The following LVRN variants were observed in gnomAD, a reference collection of about 807,000 sequenced individuals.
LVRN encodes the protein aminopeptidase Q.
A neutral mutation model predicts 111.4 loss-of-function variants in LVRN; 99 were observed. The ratio of observed to expected loss-of-function variants is 0.89; its 90% CI spans 0.76 to 1.05. The LOEUF is 1.05. LVRN is among the 50% of genes least tolerant of loss of function. The pLI is 0.00. For missense variants in LVRN, 1,414 were observed against 1,206.8 expected, an observed-to-expected ratio of 1.17 and a Z score of -2.54; for synonymous variants, 488 against 449.5, an observed-to-expected ratio of 1.09 and a Z score of -1.08.
At chr5:115,986,914 C>T (rs567048519) in intron 3 of LVRN, among the ~76,000 whole-genome samples, 28 of 152,226 alleles carry the variant, frequency 1.8e-4, no homozygotes, top group African/African-American at 5.5e-4. Context: ...CTTAAATTAA[C>T]GGCATTCACA....
chr5:115,989,019 C>T (rs1376485484), intron 4 of LVRN, among the ~76,000 whole-genome samples: 2 of 152,176 alleles, frequency 1.3e-5, no homozygotes, highest in African/African-American at 4.8e-5. Context: ...CATCCATCCA[C>T]TCACTTCTTA....
At chr5:115,972,565 T>A (rs1260924318) in intron 1 of LVRN, among the ~76,000 whole-genome samples, 1 of 152,026 alleles carries the variant, frequency 6.6e-6, no homozygotes. Flanking sequence ...TCTACTTTAG[T>A]TTCAACGCCT....
chr5:116,014,396 T>A, intron 15 of LVRN, 24 bp from the exon 16 acceptor site: 1 of 1,576,972 alleles, frequency 6.3e-7, no homozygotes, highest in Non-Finnish European at 8.7e-7. Context: ...AAATAAACTG[T>A]TTTTCTTTGA....
At chr5:115,981,510 G>T (rs1180032562) in intron 1 of LVRN, among the ~76,000 whole-genome samples, 1 of 152,036 alleles carries the variant, frequency 6.6e-6, no homozygotes, top group African/African-American at 2.4e-5. Flanking sequence ...TTTGATATAG[G>T]CATGGAATGC....
Position 116,001,083 on chromosome 5 carries a change from G to A in LVRN, c.1664G>A (p.Ser555Asn). 6.2e-7 allele frequency: 1 copy of A among 1,609,918 alleles called. No homozygotes were observed. Among genetic ancestry groups the A allele is most frequent in the Non-Finnish European group, 8.5e-7 (1 of 1,178,918 alleles). The part of the protein sequence containing the change: ...RHFQMAIDDQ[S>N]TVILPATIKN... Reference sequence around the variant, plus strand: ...TTAAAACAGGCCATAGATGACCAGAGTACAGTTATTTTGCCAGCAACAATA... The same window carrying A: ...TTAAAACAGGCCATAGATGACCAGAATACAGTTATTTTGCCAGCAACAATA... Residue 555 changes from serine (S) to asparagine (N), a missense_variant, in exon 10 of 20, where the codon AGT (serine) becomes AAT (asparagine). Ser to Asn is a conservative substitution (Grantham distance 46). Coordinates refer to ENST00000357872, the MANE Select transcript of LVRN (RefSeq NM_173800.5).
chr5:115,986,205 T>C (rs1747861150), intron 3 of LVRN, among the ~76,000 whole-genome samples: 1 of 152,240 alleles, frequency 6.6e-6, no homozygotes, highest in African/African-American at 2.4e-5. Flanking sequence ...TAGTAGAACC[T>C]TGTCATCTAC....
intron 13 of LVRN, among the ~76,000 whole-genome samples, chr5:116,009,080 G>A (rs1748435615): frequency 6.6e-6 from 1 of 152,170 alleles, no homozygotes; most frequent in South Asian, 2.1e-4. Flanking sequence ...AATGCAGCTG[G>A]TAGCTTTAAG....
intron 1 of LVRN, among the ~76,000 whole-genome samples, chr5:115,967,729 A>T (rs1033520383): frequency 6.6e-6 from 1 of 152,202 alleles, no homozygotes; most frequent in Non-Finnish European, 1.5e-5. Context: ...CCATTCTATG[A>T]GCATTAAATG....
intron 1 of LVRN, among the ~76,000 whole-genome samples, chr5:115,979,316 C>T (rs1753514417): frequency 6.6e-6 from 1 of 152,256 alleles, no homozygotes; most frequent in Non-Finnish European, 1.5e-5. Context: ...GGCTTCTAAG[C>T]CTCTCAGCCT....
intron 14 of LVRN, 102 bp from the exon 15 acceptor site, chr5:116,012,272 C>A: frequency 3.0e-6 from 2 of 658,384 alleles, no homozygotes; most frequent in Non-Finnish European, 5.4e-6. Flanking sequence ...AAATATCTGC[C>A]ACTTGTCTAT....
intron 7 of LVRN, among the ~76,000 whole-genome samples, 175 bp from the exon 8 acceptor site, chr5:116,000,258 C>T (rs1014410657): frequency 2.6e-5 from 4 of 152,200 alleles, no homozygotes; most frequent in African/African-American, 9.7e-5. Flanking sequence ...CCTTTTACCT[C>T]TGAATTAGTG....
intron 4 of LVRN, among the ~76,000 whole-genome samples, chr5:115,989,714 T>A (rs1238816434): frequency 6.6e-6 from 1 of 152,198 alleles, no homozygotes; most frequent in African/African-American, 2.4e-5. Context: ...ACATCAGGGA[T>A]ACATTTGATA....
intron 13 of LVRN, among the ~76,000 whole-genome samples, chr5:116,008,077 C>G (rs973588566): frequency 6.6e-6 from 1 of 152,118 alleles, no homozygotes; most frequent in African/African-American, 2.4e-5. Flanking sequence ...TGTGGTGGCT[C>G]ATGCCTGTAA....
rs76384200 is a variant in LVRN at position 115,972,470 on chromosome 5, C to A, written c.695+9158C>A. ...GCTAAATCACTTCTTCATTTAGCAT[C>A]TTTTTATTTAAAAAAAAGCTTTTAA... On this transcript the variant is annotated intron_variant, in intron 1 of 19. Transcript: ENST00000357872. Among the ~76,000 whole-genome samples the A allele has an allele frequency of 8.7e-4, 131 of 151,190 alleles. 3 individuals are homozygous for A. In the East Asian group the frequency reaches 0.024, roughly 27 times the overall value.
chr5:115,985,039 G>C (rs574962234), intron 3 of LVRN, among the ~76,000 whole-genome samples: 1 of 152,158 alleles, frequency 6.6e-6, no homozygotes, highest in Admixed American at 6.5e-5. Flanking sequence ...TGATGTTTGC[G>C]TTTAGTATGT....
chr5:115,968,319 A>G (rs1256143142), intron 1 of LVRN, among the ~76,000 whole-genome samples: 1 of 152,186 alleles, frequency 6.6e-6, no homozygotes, highest in Non-Finnish European at 1.5e-5. Flanking sequence ...GAATTTTTCT[A>G]ACACTTTTTC....
intron 18 of LVRN, among the ~76,000 whole-genome samples, chr5:116,020,836 G>C (rs559545925): frequency 1.3e-5 from 2 of 152,306 alleles, no homozygotes; most frequent in East Asian, 3.9e-4. Flanking sequence ...AGCCAGACTG[G>C]AGTACCCAAA....
chr5:115,994,174 A>G (rs943325262), intron 6 of LVRN, among the ~76,000 whole-genome samples: 9 of 152,130 alleles, frequency 5.9e-5, no homozygotes, highest in Non-Finnish European at 1.0e-4. Context: ...TCTTTTTAAA[A>G]AAGATTTTAA....
chr5:116,016,473 C>A (rs115498369), intron 18 of LVRN, among the ~76,000 whole-genome samples: 1,745 of 152,262 alleles, frequency 0.011, 37 homozygotes, highest in African/African-American at 0.039. Flanking sequence ...ACTGAATTTG[C>A]TAAAATGTGA....
Sources: allele counts gnomAD v4.1 joint callset (sites outside exome capture counted in the v4.1 genomes callset), GRCh38; gene constraint gnomAD v4.1.1; transcripts MANE v1.5; gene names NCBI Gene and HGNC (gene_info 2026-07-23, HGNC 2026-07-21).